The following DNAJC13 variants were observed in gnomAD, a reference collection of about 807,000 sequenced individuals.
DNAJC13 encodes the protein DnaJ heat shock protein family (Hsp40) member C13.
Under a neutral mutation model 290.5 loss-of-function variants are expected in DNAJC13, and 75 were observed. That is an observed-to-expected ratio of 0.26 (90% CI 0.21 to 0.31). DNAJC13 has a LOEUF of 0.31. Among genes scored for constraint, DNAJC13 ranks in the 10% least tolerant of loss-of-function variants. The probability of loss-of-function intolerance (pLI) is 1.00; values close to 1 mark genes in which losing one functional copy is unlikely to be tolerated. For missense variants in DNAJC13, 2,260 were observed against 2,674.5 expected (o/e 0.85, Z 3.42); for synonymous variants, 862 against 892.0 (o/e 0.97, Z 0.60).
rs1286557350 is a variant in DNAJC13 at position 132,500,765 on chromosome 3, G to A, written c.4417-29G>A. On this transcript the variant is annotated intron_variant, in intron 38 of 55. Coordinates refer to ENST00000260818, the MANE Select transcript of DNAJC13 (RefSeq NM_015268.4). Reference sequence around the variant, plus strand: ...AAGGAATGCCTATGTGACTCTACTGGTTTTTTTGCTCTGTTGTGTTGTCTG... The same window carrying A: ...AAGGAATGCCTATGTGACTCTACTGATTTTTTTGCTCTGTTGTGTTGTCTG... The A allele has an allele frequency of 9.3e-6, 15 of 1,611,510 alleles. No homozygotes were observed. In the East Asian group the frequency reaches 3.1e-4, roughly 34 times the overall value.
intron 6 of DNAJC13, 90 bp downstream of exon 6, chr3:132,450,937 T>G (rs1185604172): frequency 1.4e-6 from 1 of 713,222 alleles, no homozygotes; most frequent in Non-Finnish European, 2.2e-6. Flanking sequence ...TTTTGAAATT[T>G]CACGTGAGTC....
Position 132,453,514 on chromosome 3 carries a change from A to G in DNAJC13, c.744+10A>G, listed in dbSNP as rs1458463124. On this transcript the variant is annotated intron_variant, in intron 7 of 55. Transcript: ENST00000260818. ...ATCACCTAGACATTCGGTAAGACCC[A>G]TATGTTAAAAATGAAAATTTGTTCA... 6.2e-7 allele frequency: 1 copy of G among 1,611,588 alleles called. No individual in the cohort carries two copies. Among genetic ancestry groups the G allele is most frequent in the Non-Finnish European group, 8.5e-7 (1 of 1,179,046 alleles).
At chr3:132,517,892 TTAG>T (rs1445174838) in intron 48 of DNAJC13, among the ~76,000 whole-genome samples, 2 of 152,242 alleles carry the variant, frequency 1.3e-5, no homozygotes, top group Non-Finnish European at 2.9e-5. Context: ...CAGTTTTACT[TTAG>T]TAATAAGTTA....
rs772917778 is a variant in DNAJC13 at position 132,516,443 on chromosome 3, C to G, written c.5507C>G (p.Thr1836Ser). ...GCAGGTCGTCAGCTTGTTCTGGAAA[C>G]TCTTTATGCTTTGACATCGAGTACA... ...LPSSRQLVLE[T>S]LYALTSSTKI... Residue 1836 changes from threonine (T) to serine (S), a missense_variant, in exon 47 of 56, where the codon ACT (threonine) becomes AGT (serine). By Grantham distance (58) the Thr-to-Ser change is moderately conservative. Transcript: ENST00000260818. 6.2e-7 allele frequency: 1 copy of G among 1,613,666 alleles called. No homozygotes were observed. Among genetic ancestry groups the G allele is most frequent in the Admixed American group, 1.7e-5 (1 of 59,974 alleles).
At chr3:132,530,099 C>G (rs1432371634) in intron 54 of DNAJC13, among the ~76,000 whole-genome samples, 2 of 152,206 alleles carry the variant, frequency 1.3e-5, no homozygotes, top group African/African-American at 4.8e-5. Context: ...CCCCTACCAG[C>G]TTTACAACTA....
intron 2 of DNAJC13, 77 bp from the exon 3 acceptor site, chr3:132,446,398 G>A: frequency 9.9e-7 from 1 of 1,010,972 alleles, no homozygotes; most frequent in South Asian, 1.5e-5. Flanking sequence ...TGAACTGTTT[G>A]TTTTGTGTTA....
chr3:132,507,621 C>T (rs1361875757), intron 43 of DNAJC13, among the ~76,000 whole-genome samples: 1 of 152,078 alleles, frequency 6.6e-6, no homozygotes, highest in Non-Finnish European at 1.5e-5. Context: ...TTCATTATCA[C>T]ATTATGGTGA....
Position 132,479,228 on chromosome 3 carries a change from G to A in DNAJC13, c.2711G>A (p.Cys904Tyr), listed in dbSNP as rs756197845. 2.5e-6 allele frequency: 4 copies of A among 1,599,324 alleles called. No individual in the cohort carries two copies. In the East Asian group the frequency reaches 9.0e-5, roughly 36 times the overall value. The change falls in exon 25 of 56, where the codon TGC becomes TAC. Residue 904 changes from cysteine (C) to tyrosine (Y), a missense_variant and splice_region_variant. Cys to Tyr is a radical substitution (Grantham distance 194). Coordinates refer to ENST00000260818, the MANE Select transcript of DNAJC13 (RefSeq NM_015268.4). ...CCAGATTCTCATTTATTTCAATAGTGCACAGATAAACTTGAACGAGATAGG... is the reference window on the plus strand; with the variant it reads ...CCAGATTCTCATTTATTTCAATAGTACACAGATAAACTTGAACGAGATAGG... ...TRYIIGMLER[C>Y]TDKLERDRLI... is the part of the protein sequence containing the mutation.
intron 1 of DNAJC13, among the ~76,000 whole-genome samples, chr3:132,431,401 G>C (rs1282743835): frequency 6.6e-6 from 1 of 152,136 alleles, no homozygotes; most frequent in East Asian, 1.9e-4. Flanking sequence ...AGAATGAGGA[G>C]AGGGTGGTTA....
chr3:132,535,351 TC>T (rs769873437), intron 55 of DNAJC13, among the ~76,000 whole-genome samples: 21 of 152,238 alleles, frequency 1.4e-4, no homozygotes, highest in Non-Finnish European at 2.5e-4. Flanking sequence ...TTCCATAGGT[TC>T]TCTAGCCTGG....
intron 20 of DNAJC13, among the ~76,000 whole-genome samples, chr3:132,470,823 C>T (rs1261007794): frequency 9.1e-5 from 12 of 131,526 alleles, no homozygotes; most frequent in Admixed American, 1.4e-4. Flanking sequence ...CTGGACAGGG[C>T]GGCTGGCCAG....
At chr3:132,497,560 A>G (rs1239857206) in intron 36 of DNAJC13, among the ~76,000 whole-genome samples, 1 of 152,238 alleles carries the variant, frequency 6.6e-6, no homozygotes, top group Non-Finnish European at 1.5e-5. Flanking sequence ...AGCAGTGATT[A>G]GTTGATTTAC....
In DNAJC13 at chr3:132,513,107, C is replaced by T. The variant is rs370224957; in HGVS notation, c.5385+8C>T. ...CAGCAGTTGGCTTTAGAGGTAAAAGCGTTTTGTACTAAAGCGTGTTGCCTT... is the reference window on the plus strand; with the variant it reads ...CAGCAGTTGGCTTTAGAGGTAAAAGTGTTTTGTACTAAAGCGTGTTGCCTT... On this transcript the variant is annotated splice_region_variant and intron_variant, in intron 45 of 55. Transcript: ENST00000260818. 43 of 1,609,462 alleles carry T rather than the reference C, an allele frequency of 2.7e-5. No homozygotes were observed. Among genetic ancestry groups the T allele is most frequent in the Non-Finnish European group, 3.3e-5 (39 of 1,176,276 alleles).
chr3:132,488,475 A>C, intron 30 of DNAJC13, 23 bp downstream of exon 30: 1 of 1,573,500 alleles, frequency 6.4e-7, no homozygotes, highest in South Asian at 1.2e-5. Flanking sequence ...AGGGTAATCT[A>C]TTTAAAAGTA....
At chr3:132,439,507 C>A (rs1932979972) in intron 2 of DNAJC13, among the ~76,000 whole-genome samples, 1 of 149,454 alleles carries the variant, frequency 6.7e-6, no homozygotes, top group African/African-American at 2.5e-5. Context: ...GTCCTTAATT[C>A]TTTTGTGTTT....
At chr3:132,516,263 A>G (rs1372632548) in intron 46 of DNAJC13, among the ~76,000 whole-genome samples, 159 bp from the exon 47 acceptor site, 1 of 152,202 alleles carries the variant, frequency 6.6e-6, no homozygotes, top group Admixed American at 6.6e-5. Flanking sequence ...TTCCTCACTC[A>G]TAACATGGCC....
Position 132,511,144 on chromosome 3 carries a change from C to G in DNAJC13, c.5193C>G (p.Ile1731Met). ...AATACTTGCACACATTCATGGCCAT[C>G]ACACACGCGGCAAAAGTGGAGTCAG... ...QAQYLHTFMA[I>M]THAAKVESEQ... The change falls in exon 44 of 56, where the codon ATC becomes ATG. Residue 1731 changes from isoleucine to methionine, a missense_variant. Transcript: ENST00000260818. 1 of 1,613,948 alleles carries G rather than the reference C, an allele frequency of 6.2e-7. No individual in the cohort carries two copies. The highest frequency in any genetic ancestry group is 2.2e-5 in the East Asian group (1 of 44,878).
intron 36 of DNAJC13, among the ~76,000 whole-genome samples, chr3:132,498,515 A>G (rs1342857439): frequency 2.0e-5 from 3 of 152,144 alleles, no homozygotes; most frequent in African/African-American, 7.2e-5. Flanking sequence ...GATCAAAACT[A>G]TACACCAAGT....
In DNAJC13 at chr3:132,475,355, C is replaced by G. The variant is rs563586284; in HGVS notation, c.2445+270C>G. Reference sequence around the variant, plus strand: ...TTCCAAATCTATTCTTTCCTTTTTTCTTTTTTTTTCCATTTCTGGGACCTT... The same window carrying G: ...TTCCAAATCTATTCTTTCCTTTTTTGTTTTTTTTTCCATTTCTGGGACCTT... On this transcript the variant is annotated intron_variant, in intron 22 of 55. Transcript: ENST00000260818. Among the ~76,000 whole-genome samples, 3 of 150,716 alleles carry G rather than the reference C, an allele frequency of 2.0e-5. No individual in the cohort carries two copies. In the South Asian group the frequency reaches 6.3e-4, roughly 32 times the overall value.
Sources: allele counts gnomAD v4.1 joint callset (sites outside exome capture counted in the v4.1 genomes callset), GRCh38; gene constraint gnomAD v4.1.1; transcripts MANE v1.5; gene names NCBI Gene and HGNC (gene_info 2026-07-23, HGNC 2026-07-21).